The following GRIN2A variants were observed in gnomAD, a reference collection of about 807,000 sequenced individuals.
GRIN2A encodes the protein glutamate ionotropic receptor NMDA type subunit 2A.
Under a neutral mutation model 113.4 loss-of-function variants are expected in GRIN2A, and 22 were observed. That is an observed-to-expected ratio of 0.19 (90% CI 0.14 to 0.28). The LOEUF (loss-of-function observed/expected upper bound fraction) is 0.28, where lower values mean the gene tolerates loss of function less well. Among genes scored for constraint, GRIN2A ranks in the 10% least tolerant of loss-of-function variants. The probability of loss-of-function intolerance (pLI) is 1.00; values close to 1 mark genes in which losing one functional copy is unlikely to be tolerated. For missense variants in GRIN2A, 1,502 were observed against 1,887.0 expected (o/e 0.80, Z 3.78); for synonymous variants, 827 against 738.4 (o/e 1.12, Z -1.94).
At chr16:10,124,780 G>C (rs2048899435) in intron 2 of GRIN2A, among the ~76,000 whole-genome samples, 1 of 152,180 alleles carries the variant, frequency 6.6e-6, no homozygotes, top group African/African-American at 2.4e-5. Flanking sequence ...AGAAGAGACA[G>C]AAACATGTAA....
chr16:10,042,888 C>G (rs2047190894), intron 2 of GRIN2A, among the ~76,000 whole-genome samples: 3 of 152,158 alleles, frequency 2.0e-5, no homozygotes, highest in Admixed American at 6.5e-5. Context: ...TGAGTAGACT[C>G]AACACTAAGG....
intron 2 of GRIN2A, among the ~76,000 whole-genome samples, chr16:10,152,585 AC>A (rs2049605121): frequency 1.3e-5 from 2 of 151,920 alleles, no homozygotes; most frequent in South Asian, 2.1e-4. Context: ...TAGCTTGATC[AC>A]CCTTCTTGGT....
chr16:10,092,109 C>A (rs1176306991), intron 2 of GRIN2A, among the ~76,000 whole-genome samples: 1 of 152,194 alleles, frequency 6.6e-6, no homozygotes, highest in African/African-American at 2.4e-5. Context: ...TACCTCCAGT[C>A]TAGTCCTTTC....
intron 9 of GRIN2A, 22 bp from the exon 10 acceptor site, chr16:9,822,446 A>C: frequency 1.3e-6 from 2 of 1,522,288 alleles, no homozygotes; most frequent in Admixed American, 1.7e-5. Context: ...ACGAGAAAGG[A>C]AGAGAGAGAG....
chr16:9,996,024 C>CAAAA (rs57133009), intron 2 of GRIN2A, among the ~76,000 whole-genome samples: 137 of 51,136 alleles, frequency 2.7e-3, no homozygotes, highest in East Asian at 5.2e-3. Flanking sequence ...CAGAGGGTGG[C>CAAAA]AAAAAAAAAA....
intron 3 of GRIN2A, among the ~76,000 whole-genome samples, chr16:9,932,577 T>C (rs539943208): frequency 6.6e-6 from 1 of 151,834 alleles, no homozygotes; most frequent in African/African-American, 2.4e-5. Context: ...GAGATAGGGT[T>C]TTACCATGTG....
intron 2 of GRIN2A, among the ~76,000 whole-genome samples, chr16:9,953,387 A>T (rs1262368923): frequency 3.3e-5 from 5 of 152,162 alleles, no homozygotes; most frequent in Non-Finnish European, 7.3e-5. Context: ...CCACTCTGTA[A>T]ATGTTTTTTG....
chr16:9,943,596 C>T (rs2044943459), intron 2 of GRIN2A, among the ~76,000 whole-genome samples: 3 of 152,260 alleles, frequency 2.0e-5, no homozygotes, highest in African/African-American at 7.2e-5. Flanking sequence ...TCTCTTTGAT[C>T]CTAACTACTC....
chr16:10,079,486 A>G (rs2047938945), intron 2 of GRIN2A, among the ~76,000 whole-genome samples: 1 of 152,110 alleles, frequency 6.6e-6, no homozygotes, highest in South Asian at 2.1e-4. Context: ...CTAATCCTCA[A>G]TGTGATGGTG....
intron 2 of GRIN2A, among the ~76,000 whole-genome samples, chr16:10,094,392 G>C (rs896875492): frequency 2.6e-5 from 4 of 152,056 alleles, no homozygotes; most frequent in South Asian, 2.1e-4. Flanking sequence ...GTATACATGA[G>C]GGGATTTTTT....
At chr16:9,818,645 A>T (rs557752047) in intron 10 of GRIN2A, among the ~76,000 whole-genome samples, 1 of 152,216 alleles carries the variant, frequency 6.6e-6, no homozygotes, top group African/African-American at 2.4e-5. Context: ...GGAATTGCCG[A>T]TGGCTCTTAA....
intron 2 of GRIN2A, among the ~76,000 whole-genome samples, chr16:9,946,366 G>C (rs1415780999): frequency 3.3e-5 from 5 of 152,218 alleles, no homozygotes; most frequent in Non-Finnish European, 7.3e-5. Context: ...CTGGACCAGA[G>C]ACCATGGGGT....
intron 9 of GRIN2A, among the ~76,000 whole-genome samples, chr16:9,824,665 CTG>C (rs1258791091): frequency 6.6e-6 from 1 of 152,200 alleles, no homozygotes; most frequent in Non-Finnish European, 1.5e-5. Context: ...AGACTGAAGA[CTG>C]TCAAACTTTT....
chr16:10,069,060 C>G (rs2047702710), intron 2 of GRIN2A, among the ~76,000 whole-genome samples: 1 of 152,064 alleles, frequency 6.6e-6, no homozygotes, highest in Non-Finnish European at 1.5e-5. Context: ...CACCTAGGTT[C>G]TAGCCACCAA....
At chr16:10,150,733 C>T (rs781192062) in intron 2 of GRIN2A, among the ~76,000 whole-genome samples, 1 of 151,542 alleles carries the variant, frequency 6.6e-6, no homozygotes, top group Non-Finnish European at 1.5e-5. Context: ...CTCTTAAATA[C>T]TCCACCTTTA....
intron 10 of GRIN2A, among the ~76,000 whole-genome samples, chr16:9,804,659 C>T (rs774774135): frequency 2.6e-5 from 4 of 151,880 alleles, no homozygotes; most frequent in East Asian, 3.9e-4. Flanking sequence ...TGGAGAGGAG[C>T]GATCCCTCTT....
chr16:10,082,145 G>A (rs1043462143), intron 2 of GRIN2A, among the ~76,000 whole-genome samples: 2 of 152,170 alleles, frequency 1.3e-5, no homozygotes, highest in African/African-American at 4.8e-5. Flanking sequence ...TAGATTTGGA[G>A]CCTCCAAAAC....
At chr16:10,151,903 C>T (rs764463485) in intron 2 of GRIN2A, among the ~76,000 whole-genome samples, 2 of 152,188 alleles carry the variant, frequency 1.3e-5, no homozygotes, top group Non-Finnish European at 2.9e-5. Flanking sequence ...CAGCTTTTCC[C>T]AAGGCAGCTG....
chr16:9,798,578 T>A, intron 10 of GRIN2A, 114 bp from the exon 11 acceptor site: 1 of 740,734 alleles, frequency 1.4e-6, no homozygotes, highest in South Asian at 1.6e-5. Context: ...CTGGTGATGA[T>A]GACTCATGGC....
Sources: gnomAD v4.1 joint callset for allele counts (sites outside exome capture counted in the v4.1 genomes callset) on GRCh38, gnomAD v4.1.1 for gene constraint, MANE v1.5 for transcripts, NCBI Gene and HGNC (gene_info 2026-07-23, HGNC 2026-07-21) for gene names.